Variants in IGSF21 observed in about 807,000 individuals in gnomAD.
IGSF21 encodes the protein immunoglobulin superfamily member 21.
Under a neutral mutation model 46.8 loss-of-function variants are expected in IGSF21, and 28 were observed. That is an observed-to-expected ratio of 0.60 (90% CI 0.44 to 0.82). The LOEUF is 0.82. Among genes scored for constraint, IGSF21 ranks in the 40% least tolerant of loss-of-function variants. The probability of loss-of-function intolerance (pLI) is 0.00; values close to 1 mark genes in which losing one functional copy is unlikely to be tolerated. For synonymous variants in IGSF21, 284 were observed against 273.6 expected (o/e 1.04, Z -0.38); for missense variants, 624 against 665.5 (o/e 0.94, Z 0.69).
intron 1 of IGSF21, among the ~76,000 whole-genome samples, chr1:18,155,632 C>A (rs747435902): frequency 2.6e-5 from 4 of 152,228 alleles, no homozygotes; most frequent in Non-Finnish European, 5.9e-5. Context: ...GGGACTCAGC[C>A]CCTCAACCAA....
At chr1:18,171,715 G>T (rs2086738747) in intron 1 of IGSF21, among the ~76,000 whole-genome samples, 2 of 152,112 alleles carry the variant, frequency 1.3e-5, no homozygotes, top group South Asian at 4.1e-4. Flanking sequence ...AAACTCCCTT[G>T]GCCACCTACT....
intron 1 of IGSF21, among the ~76,000 whole-genome samples, chr1:18,207,383 G>T (rs190862180): frequency 6.6e-6 from 1 of 152,276 alleles, no homozygotes; most frequent in African/African-American, 2.4e-5. Flanking sequence ...ATAGGTTCTG[G>T]TGATTAGGAT....
chr1:18,249,842 C>T (rs2084820362), intron 2 of IGSF21, among the ~76,000 whole-genome samples: 1 of 152,196 alleles, frequency 6.6e-6, no homozygotes, highest in Non-Finnish European at 1.5e-5. Context: ...CACCCCAGGC[C>T]CTGGCTCTGG....
chr1:18,365,537 C>T lies in IGSF21; in HGVS notation c.855C>T (p.Tyr285=). The T allele has an allele frequency of 6.2e-7, 1 of 1,614,146 alleles. No individual in the cohort carries two copies. Among genetic ancestry groups the T allele is most frequent in the Non-Finnish European group, 8.5e-7 (1 of 1,180,020 alleles). Residue 285 remains tyrosine (Y), a synonymous_variant, in exon 6 of 10, where the codon TAC becomes TAT. Transcript: ENST00000251296. This position sits in a 1 kb window ranked among gnomAD's most constrained non-coding sequence, Gnocchi z 4.8. ...GGGTCCACAGCGCCGAGCCCACCTA[C>T]TTCCTGCGCCACAGCCGCACCCCGA... ...PRWVHSAEPT[Y]FLRHSRTPSS...
intron 2 of IGSF21, among the ~76,000 whole-genome samples, chr1:18,248,534 CA>C (rs1317404481): frequency 6.6e-6 from 1 of 151,708 alleles, no homozygotes; most frequent in Non-Finnish European, 1.5e-5. Context: ...CCCAAGCAGA[CA>C]GACAGTCTCC....
At chr1:18,257,929 T>G (rs1192517809) in intron 2 of IGSF21, among the ~76,000 whole-genome samples, 2 of 152,186 alleles carry the variant, frequency 1.3e-5, no homozygotes, top group East Asian at 3.9e-4. Context: ...GGCCCCCTGC[T>G]GCAGTCTCCC....
intron 1 of IGSF21, among the ~76,000 whole-genome samples, chr1:18,155,608 G>A (rs1219195944): frequency 6.6e-6 from 1 of 152,246 alleles, no homozygotes; most frequent in African/African-American, 2.4e-5. Flanking sequence ...CAAAAAGCTG[G>A]GGTGCCTAAC....
At chr1:18,134,652 C>T (rs890963705) in intron 1 of IGSF21, among the ~76,000 whole-genome samples, 3 of 152,164 alleles carry the variant, frequency 2.0e-5, no homozygotes, top group Non-Finnish European at 2.9e-5. Context: ...GTGCCCACCC[C>T]CCTCTTCCCC....
At chr1:18,245,108 G>T (rs533952400) in intron 2 of IGSF21, among the ~76,000 whole-genome samples, 11 of 152,212 alleles carry the variant, frequency 7.2e-5, no homozygotes, top group African/African-American at 2.4e-4. Flanking sequence ...GTAAAAAAGG[G>T]TTTCCCTGTC....
chr1:18,216,858 T>C (rs2084454048), intron 1 of IGSF21, among the ~76,000 whole-genome samples: 2 of 152,192 alleles, frequency 1.3e-5, no homozygotes, highest in African/African-American at 4.8e-5. Context: ...TGGTTTGTTG[T>C]AATAATATTT....
chr1:18,298,406 C>T (rs748017569), intron 3 of IGSF21, among the ~76,000 whole-genome samples: 33 of 152,190 alleles, frequency 2.2e-4, no homozygotes, highest in Non-Finnish European at 3.8e-4. Context: ...ATGTGGCCAT[C>T]CCAGAGGGCA....
chr1:18,367,466 G>T (rs1472566264), intron 6 of IGSF21, among the ~76,000 whole-genome samples: 1 of 152,068 alleles, frequency 6.6e-6, no homozygotes. Flanking sequence ...TTCAAGCCAA[G>T]TTTATTGGTG....
intron 4 of IGSF21, among the ~76,000 whole-genome samples, chr1:18,358,262 A>T (rs1351817948): frequency 6.6e-6 from 1 of 152,120 alleles, no homozygotes; most frequent in African/African-American, 2.4e-5. Context: ...GAGAAATATA[A>T]TGTAAAGTAC....
At chr1:18,223,597 T>C (rs1043023552) in intron 1 of IGSF21, among the ~76,000 whole-genome samples, 3 of 152,212 alleles carry the variant, frequency 2.0e-5, no homozygotes, top group African/African-American at 4.8e-5. Flanking sequence ...CCTGTGCCCA[T>C]GAACGCTCAG....
Position 18,378,287 on chromosome 1 carries a change from C to G in IGSF21, c.1365C>G (p.Thr455=). The stretch of plus-strand genomic sequence containing the variant: ...TTGGCCCCACTGGTGCCCGGCTCAC[C>G]TTGGTGCTCGCCCTGACAGTGATTC... The part of the protein sequence containing the change: ...GSIGPTGARL[T]LVLALTVILE... Residue 455 remains threonine, a synonymous_variant, in exon 10 of 10, where the codon ACC becomes ACG. Transcript: ENST00000251296. 6.2e-7 allele frequency: 1 copy of G among 1,614,052 alleles called. No individual in the cohort carries two copies. Among genetic ancestry groups the G allele is most frequent in the Non-Finnish European group, 8.5e-7 (1 of 1,179,976 alleles).
chr1:18,206,490 G>A (rs755157878), intron 1 of IGSF21, among the ~76,000 whole-genome samples: 22 of 151,682 alleles, frequency 1.5e-4, no homozygotes, highest in Non-Finnish European at 2.4e-4. Context: ...TCAAGGCTGC[G>A]GCGAGCCATG....
At chr1:18,366,096 A>G (rs1212531914) in intron 6 of IGSF21, among the ~76,000 whole-genome samples, 1 of 152,008 alleles carries the variant, frequency 6.6e-6, no homozygotes, top group Non-Finnish European at 1.5e-5. Context: ...GGTCAGGAAC[A>G]TAAGAGGTTG....
chr1:18,345,497 G>A (rs12753463), intron 4 of IGSF21, among the ~76,000 whole-genome samples: 14,407 of 152,142 alleles, frequency 0.095, 876 homozygotes, highest in Middle Eastern at 0.14. Flanking sequence ...TCATCCTTGT[G>A]CCTCAGCCTC....
intron 4 of IGSF21, among the ~76,000 whole-genome samples, chr1:18,359,338 AAAAGAAAGAAAGAAAG>A (rs1173594584): frequency 5.9e-4 from 21 of 35,370 alleles, no homozygotes; most frequent in African/African-American, 1.7e-3. Flanking sequence ...AAGAGAAAGA[AAAAGAAAGAAAGAAAG>A]AAAGAAAGAA....
Sources: allele counts gnomAD v4.1 joint callset (sites outside exome capture counted in the v4.1 genomes callset), GRCh38; gene constraint gnomAD v4.1.1; non-coding constraint Gnocchi (gnomAD v3.1); transcripts MANE v1.5; gene names NCBI Gene and HGNC (gene_info 2026-07-23, HGNC 2026-07-21).